TRAK2: variants seen among roughly 807,000 people sequenced by gnomAD.
The protein encoded by TRAK2 is trafficking kinesin protein 2.
A neutral mutation model predicts 104.6 loss-of-function variants in TRAK2; 81 were observed. That is an observed-to-expected ratio of 0.77 (90% CI 0.65 to 0.93). The LOEUF is 0.93. Ranked by LOEUF, TRAK2 falls within the 40% of genes least tolerant of loss-of-function variation. TRAK2 has a pLI of 0.00. For synonymous variants in TRAK2, 406 were observed against 394.4 expected (o/e 1.03, Z -0.35); for missense variants, 1,002 against 1,089.0 (o/e 0.92, Z 1.12).
At chr2:201,421,421 T>C (rs1951739668) in intron 1 of TRAK2, among the ~76,000 whole-genome samples, 1 of 152,190 alleles carries the variant, frequency 6.6e-6, no homozygotes, top group African/African-American at 2.4e-5. Flanking sequence ...TTTTTTAATC[T>C]TGGAAAATTA....
chr2:201,402,628 A>G (rs1263657321), intron 3 of TRAK2, among the ~76,000 whole-genome samples: 1 of 152,198 alleles, frequency 6.6e-6, no homozygotes, highest in Non-Finnish European at 1.5e-5. Flanking sequence ...ATAATTTGGT[A>G]GCATAGCGGG....
intron 1 of TRAK2, among the ~76,000 whole-genome samples, chr2:201,430,059 C>T (rs1233884691): frequency 6.6e-6 from 1 of 152,208 alleles, no homozygotes; most frequent in Non-Finnish European, 1.5e-5. Context: ...TCAGGAGCCT[C>T]AGCTGCAGGT....
At chr2:201,395,496 T>G in intron 7 of TRAK2, 52 bp from the exon 8 acceptor site, 1 of 1,444,582 alleles carries the variant, frequency 6.9e-7, no homozygotes, top group Non-Finnish European at 9.2e-7. Context: ...GAGAAGGAGT[T>G]GGCAAACTAT....
At chr2:201,410,674 T>C in intron 2 of TRAK2, 1 of 1,300,380 alleles carries the variant, frequency 7.7e-7, no homozygotes, top group Non-Finnish European at 1.1e-6. Flanking sequence ...TCCTATCATG[T>C]TCATCTGTGT....
chr2:201,438,031 C>T (rs879685164), intron 1 of TRAK2, among the ~76,000 whole-genome samples: 1 of 152,170 alleles, frequency 6.6e-6, no homozygotes, highest in Non-Finnish European at 1.5e-5. Flanking sequence ...GTATCATTTT[C>T]TCAGGGCCTT....
At chr2:201,406,939 C>T (rs973100838) in intron 3 of TRAK2, among the ~76,000 whole-genome samples, 1 of 152,122 alleles carries the variant, frequency 6.6e-6, no homozygotes, top group Non-Finnish European at 1.5e-5. Flanking sequence ...TTTCTCCTGG[C>T]ATTATTAAAA....
rs1204031564 is a variant in TRAK2, at chr2:201,378,331, T to A, written c.*2212A>T. 2 of 152,178 alleles carry A rather than the reference T, an allele frequency of 1.3e-5. No homozygotes were observed. Among genetic ancestry groups the A allele is most frequent in the Non-Finnish European group, 2.9e-5 (2 of 68,032 alleles). 9.4% of individuals were successfully genotyped at this position (152,178 alleles called of 1,614,324 possible). ...AAAAAAGTATACAAATTATACTCAATACAGAGCACGGCAAGATCTAGTTCA... is the reference window on the plus strand; with the variant it reads ...AAAAAAGTATACAAATTATACTCAAAACAGAGCACGGCAAGATCTAGTTCA... On this transcript the variant is annotated 3_prime_UTR_variant, in exon 16 of 16. Transcript: ENST00000332624.
chr2:201,441,906 C>T (rs565892197), intron 1 of TRAK2, among the ~76,000 whole-genome samples: 2 of 151,276 alleles, frequency 1.3e-5, no homozygotes, highest in Non-Finnish European at 3.0e-5. Flanking sequence ...GTTGGCCAGG[C>T]TGGTCTCGAA....
At chr2:201,389,984 G>C in intron 10 of TRAK2, 104 bp from the exon 11 acceptor site, 1 of 809,462 alleles carries the variant, frequency 1.2e-6, no homozygotes, top group Admixed American at 2.7e-5. Context: ...CAAGGAAATA[G>C]TCAAGGCTAA....
At chr2:201,395,505 A>G (rs556946798) in intron 7 of TRAK2, 61 bp from the exon 8 acceptor site, 379 of 1,440,524 alleles carry the variant, frequency 2.6e-4, no homozygotes, top group Non-Finnish European at 2.8e-4. Context: ...TTGGCAAACT[A>G]TGACTTGTGA....
chr2:201,386,140 G>A (rs1951387496), intron 14 of TRAK2, 78 bp downstream of exon 14: 3 of 1,505,948 alleles, frequency 2.0e-6, no homozygotes, highest in Non-Finnish European at 2.7e-6. Flanking sequence ...AGCAGAGGTA[G>A]CCAGCTGACT....
intron 1 of TRAK2, among the ~76,000 whole-genome samples, chr2:201,434,300 TCTCA>T (rs757178301): frequency 2.0e-4 from 31 of 152,262 alleles, no homozygotes; most frequent in Non-Finnish European, 3.8e-4. Context: ...AATCGGTGTT[TCTCA>T]CTATCAAATT....
Position 201,407,578 on chromosome 2 carries a change from A to T in TRAK2, c.111T>A (p.Asp37Glu), listed in dbSNP as rs905352632. 3 of 1,613,212 alleles carry T rather than the reference A, an allele frequency of 1.9e-6. No individual in the cohort carries two copies. The African/African-American group carries it at 4.0e-5, about 22-fold the overall frequency. ...GACTCACCAGCTCAACTTCAGGGAG[A>T]TCCTCATTGGAGCAGACATCTAAAG... is the stretch of plus-strand genomic sequence containing the variant. Reference protein sequence around the residue: ...ESITDVCSNEDLPEVELVSLL... With the variant: ...ESITDVCSNEELPEVELVSLL... Residue 37 changes from aspartate (D) to glutamate (E), a missense_variant, in exon 3 of 16, where the codon GAT (aspartate) becomes GAA (glutamate). Physicochemically the swap from Asp to Glu is conservative, Grantham distance 45. Coordinates refer to ENST00000332624, the MANE Select transcript of TRAK2 (RefSeq NM_015049.3).
intron 5 of TRAK2, 89 bp from the exon 6 acceptor site, chr2:201,398,443 CATCACAAAAGAAA>C (rs1321191275): frequency 8.1e-7 from 1 of 1,241,802 alleles, no homozygotes; most frequent in Non-Finnish European, 1.1e-6. Flanking sequence ...AATTATTTTT[CATCACAAAAGAAA>C]ATCACAAAAT....
chr2:201,397,556 C>G lies in TRAK2; in HGVS notation c.715G>C (p.Val239Leu). 6.2e-7 allele frequency: 1 copy of G among 1,612,750 alleles called. No homozygotes were observed. Among genetic ancestry groups the G allele is most frequent in the Non-Finnish European group, 8.5e-7 (1 of 1,179,118 alleles). The change falls in exon 7 of 16, where the codon GTT (valine) becomes CTT (leucine). Residue 239 changes from valine (V) to leucine (L), a missense_variant. Transcript: ENST00000332624. ...TGTTGTTCCTTTTCTTCATAGGTAA[C>G]AGTTTCTGTCTTTATGTGACAAGCC... ...SKACHIKTET[V>L]TYEEKEQQLV...
At chr2:201,437,546 G>C (rs1387226845) in intron 1 of TRAK2, among the ~76,000 whole-genome samples, 2 of 151,828 alleles carry the variant, frequency 1.3e-5, no homozygotes, top group African/African-American at 4.8e-5. Context: ...TTCTTTTTCT[G>C]CTTCACTAAC....
chr2:201,380,610 A>G lies in TRAK2; in HGVS notation c.2678T>C (p.Ile893Thr). 6.2e-7 allele frequency: 1 copy of G among 1,613,958 alleles called. No homozygotes were observed. Among genetic ancestry groups the G allele is most frequent in the Non-Finnish European group, 8.5e-7 (1 of 1,179,960 alleles). The change falls in exon 16 of 16, where the codon ATA becomes ACA. Residue 893 changes from isoleucine (I) to threonine (T), a missense_variant. Transcript: ENST00000332624. ...AACTGGGGCAGCAAAGCTACCCATT[A>G]TGACTGGAAGACTCTGATTCCTCCT... Reference protein sequence around the residue: ...GLRRNQSLPVIMGSFAAPVCT... With the variant: ...GLRRNQSLPVTMGSFAAPVCT...
At chr2:201,424,638 T>A (rs1559450736) in intron 1 of TRAK2, among the ~76,000 whole-genome samples, 1 of 151,790 alleles carries the variant, frequency 6.6e-6, no homozygotes, top group Admixed American at 6.6e-5. Flanking sequence ...AGTCTCACTC[T>A]TTCGCCCAGG....
intron 3 of TRAK2, among the ~76,000 whole-genome samples, chr2:201,404,703 A>T (rs558394167): frequency 7.2e-5 from 11 of 152,334 alleles, no homozygotes; most frequent in African/African-American, 2.4e-4. Context: ...TTTTTACCAC[A>T]ACTATAGAAT....
Sources: allele counts gnomAD v4.1 joint callset (sites outside exome capture counted in the v4.1 genomes callset), GRCh38; gene constraint gnomAD v4.1.1; transcripts MANE v1.5; gene names NCBI Gene and HGNC (gene_info 2026-07-23, HGNC 2026-07-21).